The following FUT6 variants were observed in gnomAD, a reference collection of about 807,000 sequenced individuals.
The protein encoded by FUT6 is fucosyltransferase 6.
For missense variants in FUT6, 454 were observed against 494.6 expected, an observed-to-expected ratio of 0.92 and a Z score of 0.78; for synonymous variants, 187 against 209.9, an observed-to-expected ratio of 0.89 and a Z score of 0.94.
chr19:5,835,334 G>C (rs193059412), intron 1 of FUT6, among the ~76,000 whole-genome samples: 3 of 152,244 alleles, frequency 2.0e-5, no homozygotes, highest in Non-Finnish European at 4.4e-5. Context: ...GGAAACTAAG[G>C]CTCAGAGAGA....
In FUT6 at chr19:5,832,065, T is replaced by C. The variant is rs2057108460; in HGVS notation, c.503A>G (p.Tyr168Cys). 1.2e-6 allele frequency: 2 copies of C among 1,613,472 alleles called. No homozygotes were observed. Among genetic ancestry groups the C allele is most frequent in the South Asian group, 1.1e-5 (1 of 91,094 alleles). The change falls in exon 3 of 3, where the codon TAC becomes TGC. Residue 168 changes from tyrosine (Y) to cysteine (C), a missense_variant. Tyr to Cys is a radical substitution (Grantham distance 194). Transcript: ENST00000318336. This position sits in a 1 kb window ranked among gnomAD's most constrained non-coding sequence, Gnocchi z 4.3. The part of the protein sequence containing the change: ...YRSDSDIFTP[Y>C]GWLEPWSGQP... ...GCCGGACCACGGCTCCAGCCAGCCG[T>C]AGGGCGTGAAGATGTCGGAGTCGCT...
chr19:5,831,461 T>C lies in FUT6; in HGVS notation c.*27A>G, dbSNP rs1354632099. ...TGAGGCCCCAGGAAAATGAGGTTCC[T>C]GGCAGCCCAGGCCCCACACCAGCCT... On this transcript the variant is annotated 3_prime_UTR_variant, in exon 3 of 3. Coordinates refer to ENST00000318336, the MANE Select transcript of FUT6 (RefSeq NM_000150.4). This position sits in a 1 kb window ranked among gnomAD's most constrained non-coding sequence, Gnocchi z 7.0. The C allele has an allele frequency of 1.2e-6, 2 of 1,613,752 alleles. No homozygotes were observed. Among genetic ancestry groups the C allele is most frequent in the Non-Finnish European group, 1.7e-6 (2 of 1,180,030 alleles).
chr19:5,832,365 G>A lies in FUT6; in HGVS notation c.203C>T (p.Thr68Met). The change falls in exon 3 of 3, where the codon ACG (threonine) becomes ATG (methionine). Residue 68 changes from threonine to methionine, a missense_variant. Physicochemically the swap from Thr to Met is moderately conservative, Grantham distance 81. Coordinates refer to ENST00000318336, the MANE Select transcript of FUT6 (RefSeq NM_000150.4). This position sits in a 1 kb window ranked among gnomAD's most constrained non-coding sequence, Gnocchi z 4.3. Reference protein sequence around the residue: ...AHSIPLILLWTWPFNKPIALP... With the variant: ...AHSIPLILLWMWPFNKPIALP... ...AGCTATGGGTTTGTTAAAAGGCCAC[G>A]TCCACAGCAGGATCAGGGGGATGGA... is the stretch of plus-strand genomic sequence containing the variant. The A allele has an allele frequency of 4.3e-6, 7 of 1,614,102 alleles. No homozygotes were observed. The highest frequency in any genetic ancestry group is 1.3e-5 in the African/African-American group (1 of 75,042).
Position 5,831,457 on chromosome 19 carries a change from T to A in FUT6, c.*31A>T. On this transcript the variant is annotated 3_prime_UTR_variant, in exon 3 of 3. Transcript: ENST00000318336. This position sits in a 1 kb window ranked among gnomAD's most constrained non-coding sequence, Gnocchi z 7.0. ...CAGGTGAGGCCCCAGGAAAATGAGG[T>A]TCCTGGCAGCCCAGGCCCCACACCA... 1 of 1,613,548 alleles carries A rather than the reference T, an allele frequency of 6.2e-7. No homozygotes were observed. The highest frequency in any genetic ancestry group is 1.1e-5 in the South Asian group (1 of 91,058).
In FUT6 at chr19:5,831,707, G is replaced by T; in HGVS notation, c.861C>A (p.Asp287Glu). Residue 287 changes from aspartate to glutamate, a missense_variant, in exon 3 of 3, where the codon GAC becomes GAA. Asp to Glu is a conservative substitution (Grantham distance 45). Coordinates refer to ENST00000318336, the MANE Select transcript of FUT6 (RefSeq NM_000150.4). The surrounding 1 kb of genome is among the most constrained non-coding windows in gnomAD (Gnocchi z 7.0). ...RSNYERFLPP[D>E]AFIHVDDFQS... ...GGAAGTCGTCCACGTGGATGAAGGC[G>T]TCGGGTGGCAGGAACCTCTCGTAGT... The T allele has an allele frequency of 6.2e-7, 1 of 1,611,446 alleles. No individual in the cohort carries two copies. Among genetic ancestry groups the T allele is most frequent in the Middle Eastern group, 1.9e-4 (1 of 5,134 alleles).
At chr19:5,837,264 C>T (rs772516866) in intron 1 of FUT6, among the ~76,000 whole-genome samples, 23 of 151,864 alleles carry the variant, frequency 1.5e-4, no homozygotes, top group Non-Finnish European at 2.4e-4. Context: ...TCTCGAACTC[C>T]TGACCTCAAT....
chr19:5,831,555 T>G lies in FUT6; in HGVS notation c.1013A>C (p.Lys338Thr), dbSNP rs1323670230. ...RSFSWALAFCKACWKLQEESR... is the reference protein window; with the variant it reads ...RSFSWALAFCTACWKLQEESR... ...TTCCTCCTGCAGTTTCCAGCAGGCC[T>G]TGCAGAAAGCGAGTGCCCAGCTGAA... Residue 338 changes from lysine (K) to threonine (T), a missense_variant, in exon 3 of 3, where the codon AAG (lysine) becomes ACG (threonine). Transcript: ENST00000318336. The surrounding 1 kb of genome is among the most constrained non-coding windows in gnomAD (Gnocchi z 7.0). 6.2e-7 allele frequency: 1 copy of G among 1,614,172 alleles called. No individual in the cohort carries two copies. The highest frequency in any genetic ancestry group is 8.5e-7 in the Non-Finnish European group (1 of 1,180,008).
chr19:5,833,079 A>G (rs758778711), intron 2 of FUT6, among the ~76,000 whole-genome samples: 33 of 152,204 alleles, frequency 2.2e-4, no homozygotes, highest in Non-Finnish European at 4.0e-4. Context: ...GGAAACCACC[A>G]TTGCCAAGGC....
chr19:5,832,210 G>A lies in FUT6; in HGVS notation c.358C>T (p.Leu120Phe), dbSNP rs745708243. 2 of 1,613,876 alleles carry A rather than the reference G, an allele frequency of 1.2e-6. No homozygotes were observed. The highest frequency in any genetic ancestry group is 1.1e-5 in the South Asian group (1 of 91,084). ...CCCTGCCGCCTCGGGGAGCGTGGGA[G>A]CTGGGCACTGGGGTTGTACATGACC... Reference protein sequence around the residue: ...REVMYNPSAQLPRSPRRQGQR... With the variant: ...REVMYNPSAQFPRSPRRQGQR... Residue 120 changes from leucine (L) to phenylalanine (F), a missense_variant, in exon 3 of 3, where the codon CTC (leucine) becomes TTC (phenylalanine). By Grantham distance (22) the Leu-to-Phe change is conservative (BLOSUM62 0). Transcript: ENST00000318336. This position sits in a 1 kb window ranked among gnomAD's most constrained non-coding sequence, Gnocchi z 4.3.
At chr19:5,835,201 C>G (rs1488816674) in intron 1 of FUT6, 124 bp from the exon 2 acceptor site, 1 of 152,244 alleles carries the variant, frequency 6.6e-6, no homozygotes, top group Non-Finnish European at 1.5e-5. Context: ...GTCCTTCCCG[C>G]CCCCATAGGG....
chr19:5,832,076 G>A lies in FUT6; in HGVS notation c.492C>T (p.Ile164=), dbSNP rs367954949. The A allele has an allele frequency of 6.2e-7, 1 of 1,613,772 alleles. No homozygotes were observed. The highest frequency in any genetic ancestry group is 8.5e-7 in the Non-Finnish European group (1 of 1,180,042). Residue 164 remains isoleucine, a synonymous_variant, in exon 3 of 3, where the codon ATC becomes ATT. Coordinates refer to ENST00000318336, the MANE Select transcript of FUT6 (RefSeq NM_000150.4). This position sits in a 1 kb window ranked among gnomAD's most constrained non-coding sequence, Gnocchi z 4.3. ...GCTCCAGCCAGCCGTAGGGCGTGAA[G>A]ATGTCGGAGTCGCTGCGGTAGGACA... The part of the protein sequence containing the change: ...LTMSYRSDSD[I]FTPYGWLEPW...
At chr19:5,837,926 C>T (rs1389496248) in intron 1 of FUT6, 12 of 152,100 alleles carry the variant, frequency 7.9e-5, no homozygotes, top group Middle Eastern at 3.2e-3. Context: ...AGACAGCCCT[C>T]GAGGGACACT....
intron 1 of FUT6, among the ~76,000 whole-genome samples, chr19:5,837,618 T>G (rs2057197643): frequency 6.6e-6 from 1 of 151,498 alleles, no homozygotes; most frequent in Non-Finnish European, 1.5e-5. Context: ...TACAAAAAAT[T>G]AGCCAGGCGC....
In FUT6 at chr19:5,832,426, A is replaced by G. The variant is rs780771178; in HGVS notation, c.142T>C (p.Ser48Pro). 66 of 1,613,652 alleles carry G rather than the reference A, an allele frequency of 4.1e-5. No individual in the cohort carries two copies. In the South Asian group the frequency reaches 5.6e-4, roughly 14 times the overall value. ...GTCCCTGTGCTGTCTGGGAAGCGGG[A>G]CCCATTAGGGTACACAGTGGGATCG... ...QDDPTVYPNG[S>P]RFPDSTGTPA... Residue 48 changes from serine (S) to proline (P), a missense_variant, in exon 3 of 3, where the codon TCC (serine) becomes CCC (proline). By Grantham distance (74) the Ser-to-Pro change is moderately conservative. Coordinates refer to ENST00000318336, the MANE Select transcript of FUT6 (RefSeq NM_000150.4). This position sits in a 1 kb window ranked among gnomAD's most constrained non-coding sequence, Gnocchi z 4.3.
chr19:5,837,191 C>T (rs1013351159), intron 1 of FUT6, among the ~76,000 whole-genome samples: 8 of 151,930 alleles, frequency 5.3e-5, no homozygotes, highest in African/African-American at 1.9e-4. Flanking sequence ...GCGCCCCCCA[C>T]CACACCCAGG....
At position 5,832,569 on chromosome 19, in the gene FUT6, G is replaced by A. The variant is rs775142869; in HGVS notation, c.-2C>T. ...CTTGGCCGGGCCCAGGGGATCCATGGGTCAGAGTATCTGGGAAGTGGGGAG... is the reference window on the plus strand; with the variant it reads ...CTTGGCCGGGCCCAGGGGATCCATGAGTCAGAGTATCTGGGAAGTGGGGAG... On this transcript the variant is annotated 5_prime_UTR_variant, in exon 3 of 3. Transcript: ENST00000318336. The surrounding 1 kb of genome is among the most constrained non-coding windows in gnomAD (Gnocchi z 4.3). 2 of 1,612,272 alleles carry A rather than the reference G, an allele frequency of 1.2e-6. No homozygotes were observed. The highest frequency in any genetic ancestry group is 1.7e-5 in the Admixed American group (1 of 60,024).
intron 1 of FUT6, among the ~76,000 whole-genome samples, chr19:5,836,480 T>C (rs1295294559): frequency 6.6e-6 from 1 of 152,184 alleles, no homozygotes; most frequent in Non-Finnish European, 1.5e-5. Context: ...CCTCCCAAAG[T>C]GCTAGGATTA....
chr19:5,837,491 A>G (rs2144820684), intron 1 of FUT6, among the ~76,000 whole-genome samples: 1 of 151,874 alleles, frequency 6.6e-6, no homozygotes, highest in East Asian at 1.9e-4. Context: ...AAGGCCAGGC[A>G]CGGTGGCTCA....
Position 5,832,709 on chromosome 19 carries a change from A to C in FUT6, c.-12-130T>G. Reference sequence around the variant, plus strand: ...CAGATGAGAAAACTGAGACCAAGTGACTCACAGCAAAAGTCAGCACAGCTG... The same window carrying C: ...CAGATGAGAAAACTGAGACCAAGTGCCTCACAGCAAAAGTCAGCACAGCTG... On this transcript the variant is annotated intron_variant, in intron 2 of 2. Coordinates refer to ENST00000318336, the MANE Select transcript of FUT6 (RefSeq NM_000150.4). The surrounding 1 kb of genome is among the most constrained non-coding windows in gnomAD (Gnocchi z 4.3). 2 of 735,750 alleles carry C rather than the reference A, an allele frequency of 2.7e-6. No individual in the cohort carries two copies. Among genetic ancestry groups the C allele is most frequent in the Admixed American group, 2.4e-5 (1 of 42,242 alleles). 45.6% of individuals were successfully genotyped at this position (735,750 alleles called of 1,614,324 possible).
Sources: gnomAD v4.1 joint callset for allele counts (sites outside exome capture counted in the v4.1 genomes callset) on GRCh38, gnomAD v4.1.1 for gene constraint, Gnocchi (gnomAD v3.1) non-coding constraint, MANE v1.5 for transcripts, NCBI Gene and HGNC (gene_info 2026-07-23, HGNC 2026-07-21) for gene names.